FRYL: variants seen among roughly 807,000 people sequenced by gnomAD.
The protein encoded by FRYL is FRY like transcription coactivator.
A neutral mutation model predicts 351.2 loss-of-function variants in FRYL; 150 were observed. The ratio of observed to expected loss-of-function variants is 0.43; its 90% CI spans 0.37 to 0.49. The LOEUF (loss-of-function observed/expected upper bound fraction) is 0.49. Ranked by LOEUF, FRYL falls within the 20% of genes least tolerant of loss-of-function variation. FRYL has a pLI of 0.00. For synonymous variants in FRYL, 1,153 were observed against 1,257.1 expected, an observed-to-expected ratio of 0.92 and a Z score of 1.75; for missense variants, 3,036 against 3,619.3, an observed-to-expected ratio of 0.84 and a Z score of 4.13.
chr4:48,582,016 T>C (rs925467071), intron 20 of FRYL, among the ~76,000 whole-genome samples: 3 of 152,180 alleles, frequency 2.0e-5, no homozygotes, highest in Admixed American at 6.5e-5. Flanking sequence ...TCATTAAAGG[T>C]TGAGAAGCTA....
At chr4:48,666,640 C>T (rs562913653) in intron 3 of FRYL, among the ~76,000 whole-genome samples, 4 of 152,218 alleles carry the variant, frequency 2.6e-5, no homozygotes, top group African/African-American at 9.6e-5. Flanking sequence ...AGATCCCCTA[C>T]GTGATTCTTA....
rs191155673 is a variant in FRYL at position 48,690,127 on chromosome 4, G to A, written c.-203-5332C>T. ...TCACTGTGTTAGCCAGGATGATCTC[G>A]ATCTCCTGACCTCGTGATCTGCCTG... On this transcript the variant is annotated intron_variant, in intron 2 of 63. Transcript: ENST00000358350. 7.3e-5 allele frequency among the ~76,000 whole-genome samples: 11 copies of A among 150,980 alleles called. No homozygotes were observed. The East Asian group carries it at 1.8e-3, about 24-fold the overall frequency.
Position 48,606,559 on chromosome 4 carries a change from C to G in FRYL, c.620G>C (p.Arg207Pro), listed in dbSNP as rs1013279730. The G allele has an allele frequency of 6.2e-7, 1 of 1,612,498 alleles. No homozygotes were observed. The highest frequency in any genetic ancestry group is 1.3e-5 in the African/African-American group (1 of 74,886). ...CACATGTGGGCTTTGTTCCTTTTGTCGCAGTTCTTTTAATTCTGTCACAAA... is the reference window on the plus strand; with the variant it reads ...CACATGTGGGCTTTGTTCCTTTTGTGGCAGTTCTTTTAATTCTGTCACAAA... Reference protein sequence around the residue: ...KKFVTELKELRQKEQSPHVVQ... With the variant: ...KKFVTELKELPQKEQSPHVVQ... The change falls in exon 10 of 64, where the codon CGA (arginine) becomes CCA (proline). Residue 207 changes from arginine (R) to proline (P), a missense_variant. Physicochemically the swap from Arg to Pro is moderately radical, Grantham distance 103 (BLOSUM62 -2). This residue lies in a region of FRYL where 457 missense variants were observed against 566.6 expected (regional missense o/e 0.81). Coordinates refer to ENST00000358350, the MANE Select transcript of FRYL (RefSeq NM_015030.2).
In FRYL at chr4:48,511,004, A is replaced by C; in HGVS notation, c.8146-20T>G. ...AATTGTCTATGGAGAAAAGCAGAAG[A>C]AAGAGTTTAGTGTTTCATAAGAAGG... On this transcript the variant is annotated intron_variant, in intron 57 of 63. Transcript: ENST00000358350. 6.3e-7 allele frequency: 1 copy of C among 1,595,482 alleles called. No individual in the cohort carries two copies. The highest frequency in any genetic ancestry group is 8.5e-7 in the Non-Finnish European group (1 of 1,170,514).
chr4:48,528,359 T>C, intron 50 of FRYL, 23 bp from the exon 51 acceptor site: 1 of 1,574,478 alleles, frequency 6.4e-7, no homozygotes. Context: ...AAAATGTCAG[T>C]GTTTGGCTCA....
intron 16 of FRYL, 115 bp downstream of exon 16, chr4:48,593,815 C>A: frequency 2.0e-6 from 1 of 494,798 alleles, no homozygotes; most frequent in Non-Finnish European, 3.5e-6. Flanking sequence ...TGTCCTGGAT[C>A]ACAGCTACTA....
At chr4:48,608,138 G>T (rs1398385474) in intron 9 of FRYL, among the ~76,000 whole-genome samples, 1 of 152,072 alleles carries the variant, frequency 6.6e-6, no homozygotes, top group Non-Finnish European at 1.5e-5. Context: ...CTCAAACCAT[G>T]TTCTAAGTTC....
intron 33 of FRYL, among the ~76,000 whole-genome samples, chr4:48,557,998 T>C (rs1199063401): frequency 6.6e-6 from 1 of 152,204 alleles, no homozygotes. Flanking sequence ...TGGGAAACAG[T>C]ATGATGGTTC....
At chr4:48,527,185 T>A (rs1280526282) in intron 53 of FRYL, among the ~76,000 whole-genome samples, 4 of 152,324 alleles carry the variant, frequency 2.6e-5, no homozygotes, top group African/African-American at 9.6e-5. Context: ...GCATATTAGT[T>A]TGTAAGACAA....
At chr4:48,499,734 A>G in intron 63 of FRYL, 54 bp from the exon 64 acceptor site, 3 of 1,523,986 alleles carry the variant, frequency 2.0e-6, no homozygotes, top group Non-Finnish European at 2.7e-6. Context: ...AGTTAAGACT[A>G]ACTCAATTTA....
intron 1 of FRYL, among the ~76,000 whole-genome samples, chr4:48,763,835 T>C (rs191529037): frequency 3.2e-4 from 48 of 152,264 alleles, no homozygotes; most frequent in African/African-American, 1.1e-3. Context: ...ATCTTATATA[T>C]AGGAAACCCT....
chr4:48,598,807 T>C (rs1184496128), intron 13 of FRYL: 2 of 973,690 alleles, frequency 2.1e-6, no homozygotes, highest in Admixed American at 6.2e-5. Flanking sequence ...GTATTTTACT[T>C]TGTAATGTCG....
chr4:48,726,381 T>C (rs1578845553), intron 1 of FRYL, among the ~76,000 whole-genome samples: 1 of 152,196 alleles, frequency 6.6e-6, no homozygotes, highest in Non-Finnish European at 1.5e-5. Context: ...AGAAGTGACC[T>C]ATAAATTTCC....
At chr4:48,703,019 A>G (rs889146048) in intron 2 of FRYL, among the ~76,000 whole-genome samples, 1 of 152,148 alleles carries the variant, frequency 6.6e-6, no homozygotes, top group East Asian at 1.9e-4. Flanking sequence ...AAAGAGGCAG[A>G]AAAGTACCCA....
intron 47 of FRYL, among the ~76,000 whole-genome samples, chr4:48,537,553 T>A (rs1236657886): frequency 6.6e-6 from 1 of 152,200 alleles, no homozygotes; most frequent in African/African-American, 2.4e-5. Context: ...TCTACAGTTA[T>A]AAGTGGGAGA....
chr4:48,533,585 AT>A (rs1728178861), intron 49 of FRYL, among the ~76,000 whole-genome samples: 1 of 152,224 alleles, frequency 6.6e-6, no homozygotes, highest in African/African-American at 2.4e-5. Context: ...TAACTGGAGT[AT>A]AAACACAACA....
chr4:48,690,638 C>T (rs1765598460), intron 2 of FRYL, among the ~76,000 whole-genome samples: 1 of 152,102 alleles, frequency 6.6e-6, no homozygotes, highest in Admixed American at 6.6e-5. Flanking sequence ...AGGAAGGGAA[C>T]ATGTGACCCC....
chr4:48,622,380 CTAAA>C (rs1750831708), intron 5 of FRYL, among the ~76,000 whole-genome samples: 1 of 152,114 alleles, frequency 6.6e-6, no homozygotes, highest in Non-Finnish European at 1.5e-5. Flanking sequence ...TGGCTATTTA[CTAAA>C]TGTATGTATC....
chr4:48,669,910 T>G (rs1433967213), intron 3 of FRYL, among the ~76,000 whole-genome samples: 1 of 151,736 alleles, frequency 6.6e-6, no homozygotes, highest in African/African-American at 2.4e-5. Flanking sequence ...AAAATAATTT[T>G]TTTACTGTCA....
Sources: gnomAD v4.1 joint callset for allele counts (sites outside exome capture counted in the v4.1 genomes callset) on GRCh38, gnomAD v4.1.1 for gene constraint, gnomAD v4.1.1 regional missense constraint, MANE v1.5 for transcripts, NCBI Gene and HGNC (gene_info 2026-07-23, HGNC 2026-07-21) for gene names.